Variants in FARS2 observed in about 807,000 individuals in gnomAD.
FARS2 encodes the protein phenylalanyl-tRNA synthetase 2, mitochondrial.
FARS2 carries 40 observed loss-of-function variants against 46.4 expected under a neutral mutation model. The observed-to-expected ratio is 0.86, with a 90% CI of 0.67 to 1.12. The LOEUF (loss-of-function observed/expected upper bound fraction) is 1.12, where lower values mean the gene tolerates loss of function less well. Among genes scored for constraint, FARS2 ranks in the 50% most tolerant of loss-of-function variants. FARS2 has a pLI of 0.00. For synonymous variants in FARS2, 234 were observed against 214.9 expected, an observed-to-expected ratio of 1.09 and a Z score of -0.78; for missense variants, 513 against 567.9, an observed-to-expected ratio of 0.90 and a Z score of 0.98.
At chr6:5,490,169 C>G in intron 4 of FARS2, among the ~76,000 whole-genome samples, 1 of 147,698 alleles carries the variant, frequency 6.8e-6, no homozygotes, top group Admixed American at 6.7e-5. Context: ...TTTGTGTTTG[C>G]TTTCTTTAAC....
At chr6:5,674,193 TAAAAAAAAA>T (rs71540878) in intron 6 of FARS2, among the ~76,000 whole-genome samples, 1 of 76,362 alleles carries the variant, frequency 1.3e-5, no homozygotes, top group Non-Finnish European at 2.5e-5. Context: ...GCATTCTCAT[TAAAAAAAAA>T]AAAAAAAAAA....
intron 4 of FARS2, among the ~76,000 whole-genome samples, chr6:5,496,610 A>G (rs1767479561): frequency 6.6e-6 from 1 of 152,140 alleles, no homozygotes; most frequent in Non-Finnish European, 1.5e-5. Flanking sequence ...CTTGGCTTGT[A>G]GATGGTTACT....
chr6:5,260,611 G>GCCCCCCCCCC (rs754044531), upstream of FARS2: 1 of 1,377,682 alleles, frequency 7.3e-7, no homozygotes, highest in South Asian at 1.3e-5. Flanking sequence ...CCGGCCCCTG[G>GCCCCCCCCCC]CCCCCCGCCC....
At chr6:5,432,341 TATATATATATTATATATATATA>T (rs1763238598) in intron 4 of FARS2, among the ~76,000 whole-genome samples, 1 of 33,130 alleles carries the variant, frequency 3.0e-5, no homozygotes, top group African/African-American at 8.5e-5. Context: ...TATATATATA[TATATATATATTATATATATATA>T]ATATATTATA....
rs1016873440 is a variant in FARS2 at position 5,311,715 on chromosome 6, C to G, written c.-22+50055C>G. ...GTGTCTTATTTAGCTAAGACTAGGA[C>G]CATGTGCTCTTTTTTTTGGCATGGA... On this transcript the variant is annotated intron_variant, in intron 1 of 6. Transcript: ENST00000274680. The surrounding 1 kb of genome is among the most constrained non-coding windows in gnomAD (Gnocchi z 4.1). Among the ~76,000 whole-genome samples, 6 of 152,060 alleles carry G rather than the reference C, an allele frequency of 3.9e-5. No individual in the cohort carries two copies. Among genetic ancestry groups the G allele is most frequent in the Admixed American group, 1.3e-4 (2 of 15,268 alleles).
At chr6:5,414,332 A>G (rs1049271021) in intron 3 of FARS2, among the ~76,000 whole-genome samples, 3 of 152,108 alleles carry the variant, frequency 2.0e-5, no homozygotes, top group African/African-American at 7.2e-5. Context: ...CACACACTAA[A>G]CCATCACCAC....
chr6:5,584,090 C>G (rs1483691311), intron 5 of FARS2, among the ~76,000 whole-genome samples: 5 of 134,244 alleles, frequency 3.7e-5, no homozygotes, highest in Admixed American at 1.6e-4. Context: ...CCGACATTCT[C>G]TCTCTCTTTC....
chr6:5,252,064 C>A, the FARS2 span, among the ~76,000 whole-genome samples: 1 of 152,158 alleles, frequency 6.6e-6, no homozygotes, highest in Admixed American at 6.5e-5. Context: ...GTAAGCGAGA[C>A]CTGACGTTGA....
At chr6:5,560,880 A>G (rs988458145) in intron 5 of FARS2, among the ~76,000 whole-genome samples, 58 of 152,250 alleles carry the variant, frequency 3.8e-4, no homozygotes, top group African/African-American at 1.3e-3. Context: ...TGTAATCCCA[A>G]CACTCTGGGG....
At chr6:5,602,641 G>A (rs894558368) in intron 5 of FARS2, among the ~76,000 whole-genome samples, 6 of 49,584 alleles carry the variant, frequency 1.2e-4, no homozygotes, top group Admixed American at 3.5e-4. Context: ...GTGAGACTCC[G>A]TCTCAAAAAA....
chr6:5,610,499 CT>C (rs1248028079), intron 5 of FARS2, among the ~76,000 whole-genome samples: 1 of 151,982 alleles, frequency 6.6e-6, no homozygotes, highest in Non-Finnish European at 1.5e-5. Flanking sequence ...ATAACAGCTA[CT>C]TACATAACAT....
At chr6:5,496,222 C>G (rs1261330287) in intron 4 of FARS2, among the ~76,000 whole-genome samples, 1 of 152,126 alleles carries the variant, frequency 6.6e-6, no homozygotes, top group Non-Finnish European at 1.5e-5. Flanking sequence ...TCTCTAGTTG[C>G]TCTGCACAGA....
At chr6:5,516,918 G>A (rs567156891) in intron 4 of FARS2, among the ~76,000 whole-genome samples, 2 of 152,158 alleles carry the variant, frequency 1.3e-5, no homozygotes, top group Non-Finnish European at 2.9e-5. Flanking sequence ...CTATGTATAA[G>A]CATTTTGCAA....
chr6:5,726,559 A>G (rs1182708706), intron 6 of FARS2, among the ~76,000 whole-genome samples: 1 of 152,210 alleles, frequency 6.6e-6, no homozygotes, highest in East Asian at 1.9e-4. Flanking sequence ...GAGCACATGA[A>G]TTGTTTTCCT....
chr6:5,674,470 G>A (rs540672380), intron 6 of FARS2, among the ~76,000 whole-genome samples: 2 of 152,302 alleles, frequency 1.3e-5, no homozygotes, highest in South Asian at 2.1e-4. Flanking sequence ...ACTGGGAATC[G>A]GAACCTTGGC....
At chr6:5,512,009 G>A (rs1165625859) in intron 4 of FARS2, among the ~76,000 whole-genome samples, 1 of 152,120 alleles carries the variant, frequency 6.6e-6, no homozygotes, top group Non-Finnish European at 1.5e-5. Context: ...GTATATTCTA[G>A]GGACTTCAGC....
intron 2 of FARS2, among the ~76,000 whole-genome samples, chr6:5,373,991 T>A (rs1759222642): frequency 6.6e-6 from 1 of 152,116 alleles, no homozygotes; most frequent in Admixed American, 6.6e-5. Context: ...CAGTTCTTTT[T>A]TGTTTTTATT....
intron 4 of FARS2, among the ~76,000 whole-genome samples, chr6:5,488,641 A>AAGGAGAATGGC (rs1561657202): frequency 2.0e-5 from 3 of 151,784 alleles, no homozygotes; most frequent in African/African-American, 7.3e-5. Flanking sequence ...ATGGAGCATA[A>AAGGAGAATGGC]GAGTTTAGTT....
At chr6:5,260,475 G>A (rs927311379), upstream of FARS2, among the ~76,000 whole-genome samples, 6 of 152,236 alleles carry the variant, frequency 3.9e-5, no homozygotes, top group Non-Finnish European at 7.3e-5. Flanking sequence ...AGGTCTCAGA[G>A]GCCACACCTG....
Sources: gnomAD v4.1 joint callset for allele counts (sites outside exome capture counted in the v4.1 genomes callset) on GRCh38, gnomAD v4.1.1 for gene constraint, Gnocchi (gnomAD v3.1) non-coding constraint, MANE v1.5 for transcripts, NCBI Gene and HGNC (gene_info 2026-07-23, HGNC 2026-07-21) for gene names.